BCAS3: variants seen among roughly 807,000 people sequenced by gnomAD.
The protein encoded by BCAS3 is BCAS4/BCAS3 fusion.
Under a neutral mutation model 116.1 loss-of-function variants are expected in BCAS3, and 53 were observed. The observed-to-expected ratio is 0.46, with a 90% CI of 0.37 to 0.57. The LOEUF (loss-of-function observed/expected upper bound fraction) is 0.57. Ranked by LOEUF, BCAS3 falls within the 20% of genes least tolerant of loss-of-function variation. The pLI, the probability that BCAS3 is intolerant of heterozygous loss-of-function variation, is 0.00. For missense variants in BCAS3, 917 were observed against 1,165.4 expected (o/e 0.79, Z 3.10); for synonymous variants, 391 against 408.2 (o/e 0.96, Z 0.51).
At chr17:61,375,244 G>GTGTGTA in intron 23 of BCAS3, among the ~76,000 whole-genome samples, 1 of 135,706 alleles carries the variant, frequency 7.4e-6, no homozygotes, top group Non-Finnish European at 1.5e-5. Flanking sequence ...GTGTGTGTGT[G>GTGTGTA]TGTGTGTGTG....
intron 6 of BCAS3, among the ~76,000 whole-genome samples, chr17:60,760,067 A>T (rs1160173399): frequency 6.6e-6 from 1 of 152,160 alleles, no homozygotes; most frequent in Non-Finnish European, 1.5e-5. Context: ...GAGCCTATGT[A>T]TGTCTGTAGG....
intron 6 of BCAS3, among the ~76,000 whole-genome samples, chr17:60,757,820 C>A (rs2043149019): frequency 6.6e-6 from 1 of 152,078 alleles, no homozygotes; most frequent in African/African-American, 2.4e-5. Context: ...AGGTCTTAGT[C>A]ATGAAGGTTT....
chr17:60,974,787 T>G (rs2062189814), intron 14 of BCAS3, among the ~76,000 whole-genome samples: 1 of 152,210 alleles, frequency 6.6e-6, no homozygotes, highest in Admixed American at 6.5e-5. Flanking sequence ...AGTTGAGAAC[T>G]CTGACATTTG....
intron 19 of BCAS3, among the ~76,000 whole-genome samples, chr17:61,067,729 A>AC (rs201873605): frequency 0.025 from 3,462 of 141,162 alleles, 108 homozygotes; most frequent in African/African-American, 0.078. Context: ...AAACAAACAA[A>AC]AAAAAAAAAA....
chr17:60,775,435 G>A (rs1367392028), intron 6 of BCAS3, among the ~76,000 whole-genome samples: 1 of 151,948 alleles, frequency 6.6e-6, no homozygotes, highest in East Asian at 1.9e-4. Context: ...AGAAGTGTGG[G>A]CCTCCATGTT....
In BCAS3 at chr17:61,315,802, G is replaced by A. The variant is rs1012306356; in HGVS notation, c.2426-52525G>A. Among the ~76,000 whole-genome samples the A allele has an allele frequency of 3.9e-5, 6 of 151,932 alleles. No homozygotes were observed. In the South Asian group the frequency reaches 6.2e-4, roughly 16 times the overall value. On this transcript the variant is annotated intron_variant, in intron 22 of 23. Transcript: ENST00000407086. The surrounding 1 kb of genome is among the most constrained non-coding windows in gnomAD (Gnocchi z 5.3). ...GCCCTCCCATCTGCCTCCACATGCC[G>A]CTGCGTCCCCTCCACGGCTCCCCTG... is the stretch of plus-strand genomic sequence containing the variant.
chr17:60,976,981 A>G (rs1471455619), intron 14 of BCAS3, among the ~76,000 whole-genome samples: 1 of 151,922 alleles, frequency 6.6e-6, no homozygotes, highest in Non-Finnish European at 1.5e-5. Flanking sequence ...TGGTGGCCGG[A>G]CAGAGGGGCT....
intron 3 of BCAS3, among the ~76,000 whole-genome samples, chr17:60,689,283 C>T (rs192424625): frequency 1.6e-4 from 24 of 152,246 alleles, no homozygotes; most frequent in Non-Finnish European, 2.4e-4. Flanking sequence ...AAGTGATTCT[C>T]GTGTCTCAGC....
intron 19 of BCAS3, chr17:61,070,091 A>G (rs2071193362): frequency 1.3e-6 from 2 of 1,575,994 alleles, no homozygotes; most frequent in South Asian, 2.2e-5. Context: ...CTTGACCACT[A>G]TGCTATCATC....
chr17:60,947,307 T>C lies in BCAS3; in HGVS notation c.1176T>C (p.Ala392=). ...ATCCTTGGTCCTCATCACAATGTGC[T>C]GTCCACCATCTGTATACTCTTCACA... ...LTHPWSSSQC[A]VHHLYTLHRG... The change falls in exon 14 of 24, where the codon GCT becomes GCC. Residue 392 remains alanine (A), a synonymous_variant. Transcript: ENST00000407086. The C allele has an allele frequency of 6.2e-7, 1 of 1,613,806 alleles. No individual in the cohort carries two copies. Among genetic ancestry groups the C allele is most frequent in the Non-Finnish European group, 8.5e-7 (1 of 1,179,708 alleles).
chr17:61,013,758 A>G lies in BCAS3; in HGVS notation c.1487-1993A>G, dbSNP rs753146171. On this transcript the variant is annotated intron_variant, in intron 15 of 23. Coordinates refer to ENST00000407086, the MANE Select transcript of BCAS3 (RefSeq NM_017679.5). The surrounding 1 kb of genome is among the most constrained non-coding windows in gnomAD (Gnocchi z 4.4). ...TATTTTACAAAAGAGACATTTATCA[A>G]AGGTTAACTTGATAGTTCTATAGAG... 6.6e-6 allele frequency among the ~76,000 whole-genome samples: 1 copy of G among 152,160 alleles called. No individual in the cohort carries two copies. Among genetic ancestry groups the G allele is most frequent in the Non-Finnish European group, 1.5e-5 (1 of 67,984 alleles).
At chr17:60,971,273 A>G (rs2061943288) in intron 14 of BCAS3, among the ~76,000 whole-genome samples, 1 of 152,218 alleles carries the variant, frequency 6.6e-6, no homozygotes, top group South Asian at 2.1e-4. Flanking sequence ...AAGTCAGTAA[A>G]AATGAAACTT....
chr17:60,793,419 A>T (rs982796784), intron 6 of BCAS3, among the ~76,000 whole-genome samples: 2 of 151,914 alleles, frequency 1.3e-5, no homozygotes, highest in African/African-American at 4.8e-5. Flanking sequence ...TTATTTTTCC[A>T]TAAGTTATTG....
At chr17:60,981,148 G>T (rs959344088) in intron 14 of BCAS3, among the ~76,000 whole-genome samples, 8 of 152,066 alleles carry the variant, frequency 5.3e-5, no homozygotes, top group Middle Eastern at 3.2e-3. Context: ...TGTATTCTTT[G>T]TACATGCAAA....
In BCAS3 at chr17:61,388,794, T is replaced by C; in HGVS notation, c.2594-3183T>C. The C allele has an allele frequency of 8.2e-7, 1 of 1,216,788 alleles. No individual in the cohort carries two copies. Among genetic ancestry groups the C allele is most frequent in the Admixed American group, 2.2e-5 (1 of 45,822 alleles). The allele number at this position is 1,216,788 out of a possible 1,614,324, so 75.4% of individuals were successfully genotyped here. The stretch of plus-strand genomic sequence containing the variant: ...GAGGGGGGAATCTGAGCAGCCCTCC[T>C]CCCCTCCACTTCCCACACACACCCC... On this transcript the variant is annotated intron_variant, in intron 23 of 23. Coordinates refer to ENST00000407086, the MANE Select transcript of BCAS3 (RefSeq NM_017679.5). The surrounding 1 kb of genome is among the most constrained non-coding windows in gnomAD (Gnocchi z 6.5).
chr17:61,159,894 T>C (rs988854470), intron 22 of BCAS3, among the ~76,000 whole-genome samples: 2 of 152,182 alleles, frequency 1.3e-5, no homozygotes, highest in African/African-American at 4.8e-5. Context: ...GTGTATTCTA[T>C]GCAAAAGATT....
intron 22 of BCAS3, among the ~76,000 whole-genome samples, chr17:61,085,077 C>A (rs1160336793): frequency 2.0e-5 from 3 of 152,194 alleles, no homozygotes; most frequent in Non-Finnish European, 4.4e-5. Flanking sequence ...TGGAAACAAG[C>A]TATGAATATG....
chr17:61,147,300 T>C (rs1187026257), intron 22 of BCAS3, among the ~76,000 whole-genome samples: 2 of 152,082 alleles, frequency 1.3e-5, no homozygotes, highest in Non-Finnish European at 2.9e-5. Context: ...GGTCTCAAAC[T>C]CCTGACCTCA....
intron 22 of BCAS3, among the ~76,000 whole-genome samples, chr17:61,335,253 G>C (rs2056628640): frequency 1.3e-5 from 2 of 152,222 alleles, no homozygotes; most frequent in East Asian, 1.9e-4. Context: ...CCAGGGCTAG[G>C]AGGGGGACTT....
Sources: allele counts gnomAD v4.1 joint callset (sites outside exome capture counted in the v4.1 genomes callset), GRCh38; gene constraint gnomAD v4.1.1; non-coding constraint Gnocchi (gnomAD v3.1); transcripts MANE v1.5; gene names NCBI Gene and HGNC (gene_info 2026-07-23, HGNC 2026-07-21).